KCNMB2: variants seen among roughly 807,000 people sequenced by gnomAD.
KCNMB2 encodes calcium-activated potassium channel subunit beta-2.
Under a neutral mutation model 24.5 loss-of-function variants are expected in KCNMB2, and 9 were observed. The observed-to-expected ratio is 0.37, with a 90% CI of 0.22 to 0.64. The LOEUF is 0.64. Among genes scored for constraint, KCNMB2 ranks in the 30% least tolerant of loss-of-function variants. KCNMB2 has a pLI of 0.63. For synonymous variants in KCNMB2, 109 were observed against 104.4 expected, an observed-to-expected ratio of 1.04 and a Z score of -0.27; for missense variants, 226 against 284.3, an observed-to-expected ratio of 0.79 and a Z score of 1.47.
At chr3:178,822,683 T>C (rs575974030) in intron 2 of KCNMB2, among the ~76,000 whole-genome samples, 48 of 152,382 alleles carry the variant, frequency 3.1e-4, no homozygotes, top group African/African-American at 1.0e-3. Flanking sequence ...TTCTCAGATA[T>C]TTTTGGGCTG....
intron 1 of KCNMB2, among the ~76,000 whole-genome samples, chr3:178,588,717 G>A (rs558702008): frequency 1.3e-5 from 2 of 152,202 alleles, no homozygotes; most frequent in Non-Finnish European, 2.9e-5. Flanking sequence ...CAGCCACTCT[G>A]GGAGGTAGCT....
At chr3:178,822,536 C>A (rs1714673115) in intron 2 of KCNMB2, among the ~76,000 whole-genome samples, 1 of 87,678 alleles carries the variant, frequency 1.1e-5, no homozygotes. Context: ...GTGTGTGAAC[C>A]TAAACTGAAC....
Position 178,795,397 on chromosome 3 carries a change from C to T in KCNMB2, c.-67-11946C>T, listed in dbSNP as rs541477448. On this transcript the variant is annotated intron_variant, in intron 1 of 4. Coordinates refer to ENST00000452583, the MANE Select transcript of KCNMB2 (RefSeq NM_181361.3). ...AAATGGTCCCCAAGTGCTTACATCA[C>T]GACTCCAGAAGCTATGGGTATATGA... 1.3e-4 allele frequency among the ~76,000 whole-genome samples: 20 copies of T among 152,260 alleles called. No individual in the cohort carries two copies. The East Asian group carries it at 3.1e-3, about 23-fold the overall frequency.
intron 1 of KCNMB2, among the ~76,000 whole-genome samples, chr3:178,611,605 T>G (rs529353357): frequency 6.6e-6 from 1 of 152,190 alleles, no homozygotes; most frequent in South Asian, 2.1e-4. Flanking sequence ...TTCGGGAGGC[T>G]GAGGCAGGAG....
intron 1 of KCNMB2, among the ~76,000 whole-genome samples, chr3:178,567,678 A>G (rs1716576428): frequency 6.6e-6 from 1 of 152,184 alleles, no homozygotes. Context: ...GCGCCAGGAC[A>G]TTTGCGCCAG....
intron 1 of KCNMB2, among the ~76,000 whole-genome samples, chr3:178,703,213 A>G (rs1406068703): frequency 6.6e-6 from 1 of 152,136 alleles, no homozygotes; most frequent in African/African-American, 2.4e-5. Flanking sequence ...CTATTTGCTA[A>G]GTGCCGAATA....
chr3:178,731,836 G>C (rs1723161298), intron 1 of KCNMB2, among the ~76,000 whole-genome samples: 1 of 152,216 alleles, frequency 6.6e-6, no homozygotes, highest in South Asian at 2.1e-4. Flanking sequence ...CCGTGGGGCA[G>C]AGTTTGCAGT....
At chr3:178,653,820 C>T (rs1028745099) in intron 1 of KCNMB2, among the ~76,000 whole-genome samples, 1 of 151,672 alleles carries the variant, frequency 6.6e-6, no homozygotes, top group African/African-American at 2.4e-5. Flanking sequence ...GCAACATCTG[C>T]ACCAATAACC....
intron 1 of KCNMB2, among the ~76,000 whole-genome samples, chr3:178,643,090 A>T (rs1411825316): frequency 1.3e-5 from 2 of 152,352 alleles, no homozygotes; most frequent in East Asian, 3.9e-4. Flanking sequence ...AAAAGGAATG[A>T]ACCACTGCAT....
intron 1 of KCNMB2, among the ~76,000 whole-genome samples, chr3:178,736,665 AGGCTCCTAATG>A (rs1361177783): frequency 1.3e-5 from 2 of 152,218 alleles, no homozygotes; most frequent in Non-Finnish European, 2.9e-5. Context: ...TAGACCCCAA[AGGCTCCTAATG>A]GGCATACACA....
intron 1 of KCNMB2, among the ~76,000 whole-genome samples, chr3:178,756,915 G>T (rs1231464583): frequency 6.6e-6 from 1 of 151,714 alleles, no homozygotes; most frequent in African/African-American, 2.4e-5. Flanking sequence ...ACACTGGACA[G>T]CACTTCAGCA....
rs1050624805 is a variant in KCNMB2 at position 178,783,006 on chromosome 3, A to T, written c.-67-24337A>T. 2.1e-4 allele frequency among the ~76,000 whole-genome samples: 31 copies of T among 148,406 alleles called. 1 individual carries two copies. Among genetic ancestry groups the T allele is most frequent in the African/African-American group, 7.5e-4 (31 of 41,276 alleles). ...AAGGGATCCAGTTTCAGTTTTCTAC[A>T]TATGGCTAGCCAGTTTTCCCAGCAC... On this transcript the variant is annotated intron_variant, in intron 1 of 4. Transcript: ENST00000452583.
At chr3:178,541,346 T>C (rs1416358078) in intron 1 of KCNMB2, among the ~76,000 whole-genome samples, 1 of 152,138 alleles carries the variant, frequency 6.6e-6, no homozygotes, top group Non-Finnish European at 1.5e-5. Context: ...TTTTCTTTGC[T>C]CTCCCCTGGC....
intron 1 of KCNMB2, among the ~76,000 whole-genome samples, chr3:178,772,133 A>G (rs1712394782): frequency 6.6e-6 from 1 of 152,130 alleles, no homozygotes; most frequent in African/African-American, 2.4e-5. Context: ...CCTGCATAAT[A>G]TTCTCCAAGG....
chr3:178,726,574 T>TC (rs1387637853), intron 1 of KCNMB2, among the ~76,000 whole-genome samples: 1 of 151,894 alleles, frequency 6.6e-6, no homozygotes, highest in East Asian at 1.9e-4. Context: ...TTGACAGGTT[T>TC]TTTTTCAAAT....
chr3:178,617,618 G>A (rs564286340), intron 1 of KCNMB2, among the ~76,000 whole-genome samples: 18 of 151,836 alleles, frequency 1.2e-4, no homozygotes, highest in African/African-American at 3.4e-4. Flanking sequence ...AGCGAGGCGC[G>A]GTGGCTCATG....
At chr3:178,837,957 C>T (rs887163112) in intron 4 of KCNMB2, among the ~76,000 whole-genome samples, 1 of 152,152 alleles carries the variant, frequency 6.6e-6, no homozygotes, top group Non-Finnish European at 1.5e-5. Context: ...GCCATTTTTA[C>T]TGAGATCATT....
intron 1 of KCNMB2, among the ~76,000 whole-genome samples, chr3:178,587,198 C>G (rs1416172332): frequency 6.6e-6 from 1 of 152,018 alleles, no homozygotes; most frequent in African/African-American, 2.4e-5. Context: ...ACTTCTTCAG[C>G]TTTTATACTA....
intron 1 of KCNMB2, among the ~76,000 whole-genome samples, chr3:178,781,527 G>C (rs1712839623): frequency 1.3e-5 from 2 of 152,066 alleles, no homozygotes; most frequent in Non-Finnish European, 2.9e-5. Context: ...AGGAGACAGA[G>C]GTTGCAGTAA....
Sources: allele counts gnomAD v4.1 joint callset (sites outside exome capture counted in the v4.1 genomes callset), GRCh38; gene constraint gnomAD v4.1.1; transcripts MANE v1.5; gene names NCBI Gene and HGNC (gene_info 2026-07-23, HGNC 2026-07-21).